Variants in LYPD6B observed in about 807,000 individuals in gnomAD.
LYPD6B encodes LY6/PLAUR domain containing 6B, also known as ly6/PLAUR domain-containing protein 6B.
LYPD6B carries 17 observed loss-of-function variants against 22.8 expected under a neutral mutation model. The ratio of observed to expected loss-of-function variants is 0.75; its 90% CI spans 0.51 to 1.12. The LOEUF is 1.12. LYPD6B is among the 50% of genes most tolerant of loss of function. The probability of loss-of-function intolerance (pLI) is 0.00; values close to 1 mark genes in which losing one functional copy is unlikely to be tolerated. For missense variants in LYPD6B, 221 were observed against 258.3 expected, an observed-to-expected ratio of 0.86 and a Z score of 0.99; for synonymous variants, 106 against 91.6, an observed-to-expected ratio of 1.16 and a Z score of -0.90.
At chr2:149,142,535 G>C (rs1306317885) in intron 2 of LYPD6B, among the ~76,000 whole-genome samples, 1 of 152,184 alleles carries the variant, frequency 6.6e-6, no homozygotes, top group East Asian at 1.9e-4. Context: ...TATTAAATTA[G>C]GGGAACAGGA....
At chr2:149,085,972 A>G (rs779487107) in intron 1 of LYPD6B, among the ~76,000 whole-genome samples, 2 of 152,202 alleles carry the variant, frequency 1.3e-5, no homozygotes, top group African/African-American at 2.4e-5. Flanking sequence ...CAATGCCTCA[A>G]TTACTAAAGG....
chr2:149,120,361 G>GTGTGTA (rs796413041), intron 1 of LYPD6B, among the ~76,000 whole-genome samples: 1 of 38,756 alleles, frequency 2.6e-5, no homozygotes, highest in Admixed American at 4.4e-4. Flanking sequence ...GTGTGTGTGT[G>GTGTGTA]TATATATATA....
At chr2:149,095,822 T>G (rs1161546044) in intron 1 of LYPD6B, among the ~76,000 whole-genome samples, 5 of 142,294 alleles carry the variant, frequency 3.5e-5, no homozygotes, top group East Asian at 2.1e-4. Context: ...CAGAGGGAGA[T>G]AGGAGACAAG....
chr2:149,039,432 G>T (rs1682968776), intron 1 of LYPD6B, among the ~76,000 whole-genome samples: 2 of 152,190 alleles, frequency 1.3e-5, no homozygotes. Context: ...GCCCTGTGGC[G>T]TTTGGGGGGA....
chr2:149,193,991 G>A (rs1245881780), intron 3 of LYPD6B, among the ~76,000 whole-genome samples: 1 of 152,126 alleles, frequency 6.6e-6, no homozygotes, highest in Non-Finnish European at 1.5e-5. Flanking sequence ...TGAAGTTCAA[G>A]GATCTTGCCC....
chr2:149,102,692 C>T (rs1210621581), intron 1 of LYPD6B, among the ~76,000 whole-genome samples: 4 of 152,088 alleles, frequency 2.6e-5, no homozygotes, highest in African/African-American at 7.2e-5. Flanking sequence ...TGTAGTGGTA[C>T]GATCTCAGCT....
intron 1 of LYPD6B, among the ~76,000 whole-genome samples, chr2:149,112,900 C>A (rs1217985548): frequency 2.6e-5 from 4 of 151,982 alleles, no homozygotes; most frequent in Non-Finnish European, 5.9e-5. Flanking sequence ...TTTGTAGAAA[C>A]AATAAGCCAA....
intron 3 of LYPD6B, among the ~76,000 whole-genome samples, chr2:149,173,729 G>A (rs1686566615): frequency 6.6e-6 from 1 of 152,116 alleles, no homozygotes; most frequent in Non-Finnish European, 1.5e-5. Flanking sequence ...TTTACGTTAT[G>A]ATACACATCC....
chr2:149,197,159 A>G (rs1221010147), intron 3 of LYPD6B, among the ~76,000 whole-genome samples: 1 of 152,212 alleles, frequency 6.6e-6, no homozygotes, highest in Non-Finnish European at 1.5e-5. Flanking sequence ...TCATTTATAT[A>G]CCTGATAGCA....
At chr2:149,108,609 A>G (rs1223876787) in intron 1 of LYPD6B, among the ~76,000 whole-genome samples, 1 of 152,210 alleles carries the variant, frequency 6.6e-6, no homozygotes, top group Non-Finnish European at 1.5e-5. Context: ...TGTTTCCTAT[A>G]GGCAGCATAT....
intron 3 of LYPD6B, among the ~76,000 whole-genome samples, chr2:149,179,042 G>T (rs763990618): frequency 6.6e-6 from 1 of 152,304 alleles, no homozygotes; most frequent in Admixed American, 6.5e-5. Context: ...AAAGAAAGTC[G>T]CAGCGGTACA....
At chr2:149,061,788 A>G (rs1684095237) in intron 1 of LYPD6B, among the ~76,000 whole-genome samples, 2 of 152,192 alleles carry the variant, frequency 1.3e-5, no homozygotes, top group Non-Finnish European at 2.9e-5. Flanking sequence ...CTTATAGGGT[A>G]TACTTTTCTA....
chr2:149,069,631 T>G (rs1324682577), intron 1 of LYPD6B, among the ~76,000 whole-genome samples: 1 of 150,760 alleles, frequency 6.6e-6, no homozygotes, highest in Non-Finnish European at 1.5e-5. Context: ...TGCCAAAGAC[T>G]TTGAAGCATT....
Position 149,208,416 on chromosome 2 carries a change from A to G in LYPD6B, c.328+4A>G, listed in dbSNP as rs376034147. On this transcript the variant is annotated splice_donor_region_variant and intron_variant, in intron 5 of 6. Transcript: ENST00000409642. ...GAAGACAAATGGTGTCCACAAAGTA[A>G]GTGTGCTGAGTTTGGAAGACTTCTG... 3.3e-5 allele frequency: 53 copies of G among 1,606,682 alleles called. No individual in the cohort carries two copies. The highest frequency in any genetic ancestry group is 4.3e-5 in the Non-Finnish European group (51 of 1,173,406).
At chr2:149,124,994 A>G (rs1041589990) in intron 1 of LYPD6B, among the ~76,000 whole-genome samples, 1 of 152,192 alleles carries the variant, frequency 6.6e-6, no homozygotes, top group Non-Finnish European at 1.5e-5. Context: ...TTGAAGGATG[A>G]TCTTTCTGTG....
intron 1 of LYPD6B, among the ~76,000 whole-genome samples, chr2:149,064,110 T>G (rs1684218092): frequency 1.3e-5 from 2 of 152,356 alleles, no homozygotes; most frequent in South Asian, 4.1e-4. Context: ...ACAAAATGTT[T>G]TGTAACCAGC....
rs529664592 is a variant in LYPD6B at position 149,083,736 on chromosome 2, A to G, written c.-67+44935A>G. ...GTATGGCACGATGTGCTGCTGTCTC[A>G]ATATTACTGATGTTGAGCTGATGAC... On this transcript the variant is annotated intron_variant, in intron 1 of 6. Coordinates refer to ENST00000409642, the MANE Select transcript of LYPD6B (RefSeq NM_177964.5). Among the ~76,000 whole-genome samples, 10 of 152,274 alleles carry G rather than the reference A, an allele frequency of 6.6e-5. No homozygotes were observed. The South Asian group carries it at 2.1e-3, about 32-fold the overall frequency.
chr2:149,154,759 C>G (rs1395652657), intron 2 of LYPD6B, among the ~76,000 whole-genome samples: 2 of 152,052 alleles, frequency 1.3e-5, no homozygotes, highest in African/African-American at 4.8e-5. Flanking sequence ...TGCTTCCCTA[C>G]AGGAAAAACT....
At chr2:149,091,047 A>G (rs1685626527) in intron 1 of LYPD6B, among the ~76,000 whole-genome samples, 1 of 152,178 alleles carries the variant, frequency 6.6e-6, no homozygotes, top group Non-Finnish European at 1.5e-5. Context: ...ACACAGACTA[A>G]AGTAGGTCTC....
Sources: allele counts gnomAD v4.1 joint callset (sites outside exome capture counted in the v4.1 genomes callset), GRCh38; gene constraint gnomAD v4.1.1; transcripts MANE v1.5; gene names NCBI Gene and HGNC (gene_info 2026-07-23, HGNC 2026-07-21).